The following ZDHHC7 variants were observed in gnomAD, a reference collection of about 807,000 sequenced individuals.
The protein encoded by ZDHHC7 is palmitoyltransferase ZDHHC7.
In ZDHHC7, 12 loss-of-function variants were observed where a neutral mutation model predicts 34.1. That is an observed-to-expected ratio of 0.35 (90% CI 0.23 to 0.57). ZDHHC7 has a LOEUF of 0.57. Among genes scored for constraint, ZDHHC7 ranks in the 20% least tolerant of loss-of-function variants. The pLI is 0.84. For missense variants in ZDHHC7, 388 were observed against 402.7 expected, an observed-to-expected ratio of 0.96 and a Z score of 0.31; for synonymous variants, 185 against 155.4, an observed-to-expected ratio of 1.19 and a Z score of -1.42.
chr16:85,001,299 C>T (rs1426944692), intron 1 of ZDHHC7, among the ~76,000 whole-genome samples: 1 of 151,930 alleles, frequency 6.6e-6, no homozygotes, highest in Admixed American at 6.6e-5. Context: ...GGCGAAACCC[C>T]GTCTCTACTA....
rs188486572 is a variant in ZDHHC7 at position 84,991,898 on chromosome 16, G to C, written c.-17-1263C>G. 3.8e-3 allele frequency among the ~76,000 whole-genome samples: 581 copies of C among 151,936 alleles called. 3 individuals carry two copies. The highest frequency in any genetic ancestry group is 6.5e-3 in the Non-Finnish European group (445 of 67,950). ...TTTCTAAGAACATACAAGATCTAAA[G>C]AAACTAAAGAAAAAAGTAGGACCGG... On this transcript the variant is annotated intron_variant, in intron 2 of 7. Coordinates refer to ENST00000313732, the MANE Select transcript of ZDHHC7 (RefSeq NM_017740.3).
At chr16:84,977,284 T>G in intron 6 of ZDHHC7, 59 bp from the exon 7 acceptor site, 1 of 1,596,964 alleles carries the variant, frequency 6.3e-7, no homozygotes, top group Non-Finnish European at 8.5e-7. Context: ...GGCAGAATGT[T>G]TGGCTCAGAG....
At chr16:85,010,597 C>T (rs1263226999) in intron 1 of ZDHHC7, among the ~76,000 whole-genome samples, 1 of 152,210 alleles carries the variant, frequency 6.6e-6, no homozygotes, top group East Asian at 1.9e-4. Flanking sequence ...AGCTACAAGG[C>T]AGGTAGCCGC....
the ZDHHC7 span, among the ~76,000 whole-genome samples, chr16:85,027,275 A>T: frequency 8.6e-5 from 13 of 151,648 alleles, no homozygotes; most frequent in East Asian, 3.9e-4. Context: ...ATTTATTATT[A>T]TTTTTTTTAG....
chr16:85,008,473 C>A (rs2072746373), intron 1 of ZDHHC7, among the ~76,000 whole-genome samples: 1 of 150,772 alleles, frequency 6.6e-6, no homozygotes, highest in Non-Finnish European at 1.5e-5. Flanking sequence ...GGACTCCACC[C>A]AAGGGTGGTT....
chr16:84,993,825 T>C (rs764697339), intron 2 of ZDHHC7, among the ~76,000 whole-genome samples: 27 of 152,262 alleles, frequency 1.8e-4, no homozygotes, highest in African/African-American at 6.5e-4. Context: ...TGCAGCACCA[T>C]TGCCTCTACA....
intron 3 of ZDHHC7, among the ~76,000 whole-genome samples, chr16:84,989,115 A>T (rs1336479024): frequency 6.6e-6 from 1 of 152,190 alleles, no homozygotes; most frequent in African/African-American, 2.4e-5. Context: ...AACCCATCGA[A>T]GAGACTCAGT....
chr16:85,015,182 C>G (rs924835799), upstream of ZDHHC7, among the ~76,000 whole-genome samples: 13 of 151,764 alleles, frequency 8.6e-5, no homozygotes, highest in Admixed American at 8.5e-4. Context: ...TCAGTGCAAC[C>G]TCCGCGTCCC....
At chr16:84,988,991 CAAGG>C in intron 3 of ZDHHC7, 1 of 1,043,066 alleles carries the variant, frequency 9.6e-7, no homozygotes, top group South Asian at 1.5e-5. Context: ...CTGCTGCAGC[CAAGG>C]AAGGAGAGGG....
At chr16:85,010,303 T>TGAGCCAC (rs2072773541) in intron 1 of ZDHHC7, among the ~76,000 whole-genome samples, 2 of 152,186 alleles carry the variant, frequency 1.3e-5, no homozygotes, top group South Asian at 4.1e-4. Context: ...ATTACAGGCA[T>TGAGCCAC]GAGCCACGAG....
intron 3 of ZDHHC7, among the ~76,000 whole-genome samples, chr16:84,987,978 G>C (rs1192369380): frequency 6.6e-6 from 1 of 152,158 alleles, no homozygotes; most frequent in Non-Finnish European, 1.5e-5. Context: ...GACCATCCTG[G>C]CTAACACGGT....
intron 1 of ZDHHC7, chr16:85,004,932 A>T (rs2072699912): frequency 6.6e-6 from 1 of 152,256 alleles, no homozygotes. Context: ...GGCAAGTCAC[A>T]ACTTCAGGTC....
chr16:84,990,082 T>C (rs1356360021), intron 3 of ZDHHC7, among the ~76,000 whole-genome samples: 1 of 152,184 alleles, frequency 6.6e-6, no homozygotes, highest in Non-Finnish European at 1.5e-5. Flanking sequence ...TCTGGTGGCC[T>C]GCAAGGCGTC....
At position 84,976,199 on chromosome 16, in the gene ZDHHC7, T is replaced by C. The variant is rs2072294571; in HGVS notation, c.*144A>G. On this transcript the variant is annotated 3_prime_UTR_variant, in exon 8 of 8. Transcript: ENST00000313732. ...TTCCTCTGCCATCTGTGACTATAAA[T>C]ATATAAAACTCTGCTTGCTGCAAGC... 9.8e-7 allele frequency: 1 copy of C among 1,018,572 alleles called. No homozygotes were observed. Among genetic ancestry groups the C allele is most frequent in the African/African-American group, 1.6e-5 (1 of 61,114 alleles). The allele number at this position is 1,018,572 out of a possible 1,614,324, so 63.1% of individuals were successfully genotyped here.
chr16:84,975,746 C>G lies in ZDHHC7; in HGVS notation c.*597G>C, dbSNP rs565871638. On this transcript the variant is annotated 3_prime_UTR_variant, in exon 8 of 8. Transcript: ENST00000313732. Reference sequence around the variant, plus strand: ...ACACACGCGCGCACACGCACAGACACGCACACACACAGACTTGCTGAGAGG... The same window carrying G: ...ACACACGCGCGCACACGCACAGACAGGCACACACACAGACTTGCTGAGAGG... 1 of 154,656 alleles carries G rather than the reference C, an allele frequency of 6.5e-6. No homozygotes were observed. Among genetic ancestry groups the G allele is most frequent in the Non-Finnish European group, 1.4e-5 (1 of 69,602 alleles). The allele number at this position is 154,656 out of a possible 1,614,324, so 9.6% of individuals were successfully genotyped here.
chr16:84,983,976 A>G (rs1263800735), intron 3 of ZDHHC7, among the ~76,000 whole-genome samples: 1 of 151,788 alleles, frequency 6.6e-6, no homozygotes, highest in Non-Finnish European at 1.5e-5. Flanking sequence ...AAAAAAAAAA[A>G]AAAATTTTTA....
At chr16:84,988,256 C>T (rs779727816) in intron 3 of ZDHHC7, among the ~76,000 whole-genome samples, 6 of 151,486 alleles carry the variant, frequency 4.0e-5, no homozygotes, top group Non-Finnish European at 8.8e-5. Context: ...GTGGTGGGGT[C>T]GGGGAACTGG....
chr16:84,977,811 T>G, intron 6 of ZDHHC7, 113 bp downstream of exon 6: 1 of 795,326 alleles, frequency 1.3e-6, no homozygotes, highest in South Asian at 1.7e-5. Context: ...ATTGCTAAAA[T>G]AATTGCAATG....
intron 3 of ZDHHC7, among the ~76,000 whole-genome samples, chr16:84,984,556 C>T (rs2072412482): frequency 2.6e-5 from 4 of 152,172 alleles, no homozygotes; most frequent in African/African-American, 9.7e-5. Context: ...TTCTGGAAAG[C>T]GGCTACCCCA....
Sources: allele counts gnomAD v4.1 joint callset (sites outside exome capture counted in the v4.1 genomes callset), GRCh38; gene constraint gnomAD v4.1.1; transcripts MANE v1.5; gene names NCBI Gene and HGNC (gene_info 2026-07-23, HGNC 2026-07-21).